KAT6B: variants seen among roughly 807,000 people sequenced by gnomAD.
KAT6B encodes lysine acetyltransferase 6B, also known as histone acetyltransferase KAT6B.
A neutral mutation model predicts 187.5 loss-of-function variants in KAT6B; 10 were observed. The observed-to-expected ratio is 0.05, with a 90% CI of 0.03 to 0.09. The LOEUF is 0.09. KAT6B is among the 10% of genes least tolerant of loss of function. The pLI is 1.00. For synonymous variants in KAT6B, 861 were observed against 926.8 expected (o/e 0.93, Z 1.29); for missense variants, 1,952 against 2,558.9 (o/e 0.76, Z 5.12).
intron 4 of KAT6B, among the ~76,000 whole-genome samples, chr10:74,961,233 G>A (rs752013488): frequency 2.6e-5 from 4 of 152,134 alleles, no homozygotes; most frequent in Admixed American, 6.5e-5. Context: ...TCAGCCCCAC[G>A]ATATCCCTGT....
Position 74,970,196 on chromosome 10 carries a change from G to A in KAT6B, c.928+95G>A, listed in dbSNP as rs1342049504. On this transcript the variant is annotated intron_variant, in intron 6 of 17. Coordinates refer to ENST00000287239, the MANE Select transcript of KAT6B (RefSeq NM_012330.4). ...GCTCAGAGGTATACAGGTTCTTTAA[G>A]CATTTTTTTCATCCCTCCCACCTTC... is the stretch of plus-strand genomic sequence containing the variant. 2.0e-5 allele frequency: 19 copies of A among 927,846 alleles called. No individual in the cohort carries two copies. The East Asian group carries it at 4.1e-4, about 20-fold the overall frequency. The allele number at this position is 927,846 out of a possible 1,614,324, so 57.5% of individuals were successfully genotyped here. A position where few individuals can be genotyped will look rare whatever the true frequency, so the allele number is the denominator to read the frequency against.
chr10:74,951,793 C>T (rs545643902), intron 3 of KAT6B, among the ~76,000 whole-genome samples: 71 of 152,198 alleles, frequency 4.7e-4, no homozygotes, highest in Admixed American at 7.2e-4. Context: ...CTTTACATGT[C>T]GTGTTTGTGG....
intron 10 of KAT6B, 74 bp downstream of exon 10, chr10:74,979,413 G>A: frequency 9.6e-7 from 1 of 1,039,932 alleles, no homozygotes. Flanking sequence ...TGATTCTAAA[G>A]CAGGAATTAG....
At chr10:75,006,299 AAAAC>A (rs1844198090) in intron 13 of KAT6B, among the ~76,000 whole-genome samples, 1 of 152,224 alleles carries the variant, frequency 6.6e-6, no homozygotes, top group Non-Finnish European at 1.5e-5. Flanking sequence ...ATGATACTAA[AAAAC>A]AAACTGATTT....
chr10:74,945,962 A>G lies in KAT6B; in HGVS notation c.622-14008A>G, dbSNP rs112906867. 7.3e-3 allele frequency among the ~76,000 whole-genome samples: 1,109 copies of G among 152,334 alleles called. 9 individuals are homozygous for G. The highest frequency in any genetic ancestry group is 0.013 in the Non-Finnish European group (881 of 68,028). ...GAATTATGCTGGCTTCATAAAACCA[A>G]TTGAGAAATATTTCCTCCTCCTCTA... On this transcript the variant is annotated intron_variant, in intron 3 of 17. Transcript: ENST00000287239.
chr10:74,856,375 C>T (rs1742059965), intron 3 of KAT6B, among the ~76,000 whole-genome samples: 1 of 152,296 alleles, frequency 6.6e-6, no homozygotes, highest in African/African-American at 2.4e-5. Context: ...GTGTGAGCCA[C>T]TGCGCCTGGC....
intron 3 of KAT6B, among the ~76,000 whole-genome samples, chr10:74,902,775 T>G (rs758636519): frequency 1.3e-5 from 2 of 152,226 alleles, no homozygotes; most frequent in Non-Finnish European, 2.9e-5. Flanking sequence ...TTCTTTCCTT[T>G]TGACTAATAT....
At chr10:74,924,422 G>T (rs1457042012) in intron 3 of KAT6B, among the ~76,000 whole-genome samples, 2 of 152,222 alleles carry the variant, frequency 1.3e-5, no homozygotes, top group East Asian at 3.9e-4. Flanking sequence ...AATTGGGTTA[G>T]AGGTTAATAG....
intron 4 of KAT6B, among the ~76,000 whole-genome samples, chr10:74,961,194 C>T (rs1564590308): frequency 6.6e-6 from 1 of 152,176 alleles, no homozygotes; most frequent in East Asian, 1.9e-4. Context: ...GGCATGGAAA[C>T]ATTATCTGTA....
intron 3 of KAT6B, among the ~76,000 whole-genome samples, chr10:74,886,339 C>G (rs1845264054): frequency 6.6e-6 from 1 of 152,110 alleles, no homozygotes; most frequent in South Asian, 2.1e-4. Context: ...ATGGACTTTC[C>G]AAAGATTGGG....
At chr10:74,995,952 A>G (rs981578729) in intron 13 of KAT6B, among the ~76,000 whole-genome samples, 1 of 152,206 alleles carries the variant, frequency 6.6e-6, no homozygotes, top group African/African-American at 2.4e-5. Flanking sequence ...GATGGGCAGG[A>G]TACAAAACCC....
chr10:74,874,492 C>A (rs753223189), intron 3 of KAT6B, among the ~76,000 whole-genome samples: 19 of 152,194 alleles, frequency 1.2e-4, no homozygotes, highest in Non-Finnish European at 2.6e-4. Context: ...GATTCTCCTG[C>A]CTCAGTCTCC....
chr10:74,943,495 A>AG (rs1304308995), intron 3 of KAT6B, among the ~76,000 whole-genome samples: 7 of 152,204 alleles, frequency 4.6e-5, no homozygotes, highest in Admixed American at 6.5e-5. Flanking sequence ...GATTTGAAAT[A>AG]GTTTAAAAAT....
In KAT6B at chr10:74,843,093, G is replaced by A. The variant is rs1159713655; in HGVS notation, c.236G>A (p.Arg79His). ...TATAAGGACCCAGACAACCCTGGGC[G>A]CTTTTCATCAGTTAAACCAGGCACT... Reference protein sequence around the residue: ...ASYKDPDNPGRFSSVKPGTFP... With the variant: ...ASYKDPDNPGHFSSVKPGTFP... Residue 79 changes from arginine (R) to histidine (H), a missense_variant, in exon 3 of 18, where the codon CGC becomes CAC. Coordinates refer to ENST00000287239, the MANE Select transcript of KAT6B (RefSeq NM_012330.4). 2.5e-6 allele frequency: 4 copies of A among 1,614,052 alleles called. No individual in the cohort carries two copies. The highest frequency in any genetic ancestry group is 1.1e-5 in the South Asian group (1 of 91,088).
chr10:75,029,093 C>A lies in KAT6B; in HGVS notation c.4269C>A (p.Asp1423Glu), dbSNP rs1338824773. The A allele has an allele frequency of 6.2e-7, 1 of 1,614,104 alleles. No individual in the cohort carries two copies. Among genetic ancestry groups the A allele is most frequent in the Non-Finnish European group, 8.5e-7 (1 of 1,180,014 alleles). The change falls in exon 18 of 18, where the codon GAC becomes GAA. Residue 1423 changes from aspartate (D) to glutamate (E), a missense_variant. By Grantham distance (45) the Asp-to-Glu change is conservative. Coordinates refer to ENST00000287239, the MANE Select transcript of KAT6B (RefSeq NM_012330.4). This position sits in a 1 kb window ranked among gnomAD's most constrained non-coding sequence, Gnocchi z 6.2. ...ATGAAGAGCCATCCCACAACGAGGA[C>A]CATGATGCCGATGACGAGGATGACA... ...EEDEEPSHNE[D>E]HDADDEDDSH...
intron 3 of KAT6B, among the ~76,000 whole-genome samples, chr10:74,951,211 C>T (rs1387033354): frequency 2.6e-5 from 4 of 151,712 alleles, no homozygotes; most frequent in Non-Finnish European, 5.9e-5. Flanking sequence ...CTTGCTGCAA[C>T]CTCCCTCTCC....
chr10:74,878,619 CAAA>C (rs11365400), intron 3 of KAT6B, among the ~76,000 whole-genome samples: 6 of 71,968 alleles, frequency 8.3e-5, no homozygotes, highest in African/African-American at 8.6e-5. Context: ...GACTCCATCT[CAAA>C]AAAAAAAAAA....
intron 6 of KAT6B, among the ~76,000 whole-genome samples, chr10:74,970,479 G>A (rs1413537468): frequency 6.6e-6 from 1 of 151,934 alleles, no homozygotes; most frequent in Non-Finnish European, 1.5e-5. Context: ...TATTTTTGAG[G>A]ATGATAGTGA....
chr10:74,964,954 T>C (rs1274709152), intron 4 of KAT6B, among the ~76,000 whole-genome samples: 3 of 152,246 alleles, frequency 2.0e-5, no homozygotes, highest in Admixed American at 6.5e-5. Flanking sequence ...TCTGCTGTTA[T>C]AATGACCTCA....
Sources: gnomAD v4.1 joint callset for allele counts (sites outside exome capture counted in the v4.1 genomes callset) on GRCh38, gnomAD v4.1.1 for gene constraint, Gnocchi (gnomAD v3.1) non-coding constraint, MANE v1.5 for transcripts, NCBI Gene and HGNC (gene_info 2026-07-23, HGNC 2026-07-21) for gene names.